SGPP1: variants seen among roughly 807,000 people sequenced by gnomAD.
SGPP1 encodes the protein sphingosine-1-phosphate phosphatase 1.
In SGPP1, 21 loss-of-function variants were observed where a neutral mutation model predicts 33.0. The observed-to-expected ratio is 0.64, with a 90% CI of 0.45 to 0.92. The LOEUF (loss-of-function observed/expected upper bound fraction) is 0.92. SGPP1 is among the 40% of genes least tolerant of loss of function. The pLI, the probability that SGPP1 is intolerant of heterozygous loss-of-function variation, is 0.00. For missense variants in SGPP1, 543 were observed against 589.4 expected, an observed-to-expected ratio of 0.92 and a Z score of 0.81; for synonymous variants, 239 against 241.2, an observed-to-expected ratio of 0.99 and a Z score of 0.08.
rs949371207 is a variant in SGPP1, at chr14:63,712,702, C to T, written c.685-14044G>A. Among the ~76,000 whole-genome samples, 91 of 151,966 alleles carry T rather than the reference C, an allele frequency of 6.0e-4. 1 individual carries two copies. The highest frequency in any genetic ancestry group is 4.5e-3 in the Admixed American group (69 of 15,270). ...TGTTTTTTTGAGGGAGGGTCTTGCT[C>T]TGTTGCCCAGGCTGGAGTACAATGG... On this transcript the variant is annotated intron_variant, in intron 1 of 2. Transcript: ENST00000247225.
intron 2 of SGPP1, among the ~76,000 whole-genome samples, chr14:63,694,238 C>T (rs1885144068): frequency 6.6e-6 from 1 of 151,116 alleles, no homozygotes; most frequent in South Asian, 2.1e-4. Flanking sequence ...TACGCCACTG[C>T]ACTCCAGCCT....
chr14:63,695,872 T>C (rs1489744363), intron 2 of SGPP1, among the ~76,000 whole-genome samples: 1 of 152,202 alleles, frequency 6.6e-6, no homozygotes, highest in Non-Finnish European at 1.5e-5. Context: ...GTTTGCACCA[T>C]CACACTCCAG....
Position 63,686,434 on chromosome 14 carries a change from A to T in SGPP1, c.997T>A (p.Ser333Thr), listed in dbSNP as rs774125790. 1.2e-6 allele frequency: 2 copies of T among 1,614,018 alleles called. No homozygotes were observed. The highest frequency in any genetic ancestry group is 1.1e-5 in the South Asian group (1 of 91,086). The change falls in exon 3 of 3, where the codon TCT (serine) becomes ACT (threonine). Residue 333 changes from serine to threonine, a missense_variant. By Grantham distance (58) the Ser-to-Thr change is moderately conservative. Coordinates refer to ENST00000247225, the MANE Select transcript of SGPP1 (RefSeq NM_030791.4). Reference protein sequence around the residue: ...LGSGAGIACGSHVTYNMGLVL... With the variant: ...LGSGAGIACGTHVTYNMGLVL... ...AGACCCATGTTATAAGTAACATGAG[A>T]TCCACATGCAATTCCAGCACCACTT...
intron 1 of SGPP1, among the ~76,000 whole-genome samples, chr14:63,705,340 T>G (rs1885387015): frequency 6.7e-6 from 1 of 149,942 alleles, no homozygotes; most frequent in Non-Finnish European, 1.5e-5. Flanking sequence ...TAGACATTTC[T>G]CCAAAGAAGA....
At chr14:63,714,748 T>A (rs13379282) in intron 1 of SGPP1, among the ~76,000 whole-genome samples, 6,722 of 151,356 alleles carry the variant, frequency 0.044, 428 homozygotes, top group African/African-American at 0.14. Context: ...TTATTTATTT[T>A]TTTTTTTTTG....
At chr14:63,719,692 T>C (rs1566537118) in intron 1 of SGPP1, among the ~76,000 whole-genome samples, 1 of 151,634 alleles carries the variant, frequency 6.6e-6, no homozygotes, top group African/African-American at 2.4e-5. Context: ...AAAAATTAGA[T>C]AGCATTTTCT....
At position 63,714,290 on chromosome 14, in the gene SGPP1, T is replaced by C. The variant is rs542177592; in HGVS notation, c.684+12971A>G. 1.7e-3 allele frequency among the ~76,000 whole-genome samples: 252 copies of C among 152,384 alleles called. 4 individuals are homozygous for C. Among genetic ancestry groups the C allele is most frequent in the South Asian group, 9.3e-3 (45 of 4,834 alleles). On this transcript the variant is annotated intron_variant, in intron 1 of 2. Coordinates refer to ENST00000247225, the MANE Select transcript of SGPP1 (RefSeq NM_030791.4). Reference sequence around the variant, plus strand: ...GGTAGCTGGCCCATGTGGTTTTTGATGGATCTCATCAAAAGGCTCAGATTG... The same window carrying C: ...GGTAGCTGGCCCATGTGGTTTTTGACGGATCTCATCAAAAGGCTCAGATTG...
Position 63,727,177 on chromosome 14 carries a change from C to G in SGPP1, c.684+84G>C, listed in dbSNP as rs549198245. 1.4e-5 allele frequency: 20 copies of G among 1,476,646 alleles called. No individual in the cohort carries two copies. The South Asian group carries it at 2.7e-4, about 20-fold the overall frequency. 91.5% of individuals were successfully genotyped at this position (1,476,646 alleles called of 1,614,324 possible). On this transcript the variant is annotated intron_variant, in intron 1 of 2. Coordinates refer to ENST00000247225, the MANE Select transcript of SGPP1 (RefSeq NM_030791.4). ...AAGAGAGGCTTTGGAGGGGAACGGT[C>G]GAATTAAAATAAATGCAGAGAGCAA...
intron 1 of SGPP1, among the ~76,000 whole-genome samples, chr14:63,714,039 T>C (rs1304155193): frequency 6.6e-6 from 1 of 152,236 alleles, no homozygotes; most frequent in East Asian, 1.9e-4. Context: ...TTCTGCTGCC[T>C]TGGATGTTAG....
Position 63,684,229 on chromosome 14 carries a change from T to A in SGPP1, c.*1876A>T, listed in dbSNP as rs1451007090. ...AGCAAAACCTTCTTTAATCTTCAAT[T>A]TGGCTTTTATTTTAAAATACATTTA... On this transcript the variant is annotated 3_prime_UTR_variant, in exon 3 of 3. Coordinates refer to ENST00000247225, the MANE Select transcript of SGPP1 (RefSeq NM_030791.4). 2 of 152,120 alleles carry A rather than the reference T, an allele frequency of 1.3e-5. No homozygotes were observed. Among genetic ancestry groups the A allele is most frequent in the Admixed American group, 1.3e-4 (2 of 15,270 alleles). The allele number at this position is 152,120 out of a possible 1,614,324, so 9.4% of individuals were successfully genotyped here.
chr14:63,720,335 AAAG>A (rs1885744548), intron 1 of SGPP1, among the ~76,000 whole-genome samples: 1 of 152,054 alleles, frequency 6.6e-6, no homozygotes, highest in African/African-American at 2.4e-5. Context: ...AGAAAAAGGA[AAAG>A]AAGGATGGAT....
intron 1 of SGPP1, among the ~76,000 whole-genome samples, chr14:63,722,482 T>C (rs969587335): frequency 6.6e-6 from 1 of 150,614 alleles, no homozygotes; most frequent in Non-Finnish European, 1.5e-5. Context: ...AGTGAGCCAA[T>C]ATCGCACCAC....
At position 63,722,145 on chromosome 14, in the gene SGPP1, G is replaced by A. The variant is rs148958545; in HGVS notation, c.684+5116C>T. Among the ~76,000 whole-genome samples, 844 of 152,180 alleles carry A rather than the reference G, an allele frequency of 5.5e-3. 9 individuals are homozygous for A. The highest frequency in any genetic ancestry group is 0.019 in the African/African-American group (797 of 41,520). On this transcript the variant is annotated intron_variant, in intron 1 of 2. Transcript: ENST00000247225. ...TTTCCTCATCTGTAAACCCATGCTA[G>A]TAATAGGAACATTGGGGTATTATAG...
intron 2 of SGPP1, among the ~76,000 whole-genome samples, chr14:63,697,178 T>C (rs947382244): frequency 6.6e-6 from 1 of 151,884 alleles, no homozygotes; most frequent in Non-Finnish European, 1.5e-5. Context: ...GAATCTAAAA[T>C]TAAAATTTAA....
At chr14:63,689,719 C>T (rs929390892) in intron 2 of SGPP1, among the ~76,000 whole-genome samples, 7 of 151,938 alleles carry the variant, frequency 4.6e-5, no homozygotes, top group Admixed American at 6.6e-5. Context: ...TCGCTTAGAA[C>T]CCCGGAGGTG....
At chr14:63,694,485 AAAAAC>A (rs1176351807) in intron 2 of SGPP1, among the ~76,000 whole-genome samples, 3 of 152,146 alleles carry the variant, frequency 2.0e-5, no homozygotes, top group Non-Finnish European at 2.9e-5. Flanking sequence ...ACCAGGAAAA[AAAAAC>A]AAAACAAAAC....
chr14:63,725,034 T>C (rs919799537), intron 1 of SGPP1, among the ~76,000 whole-genome samples: 2 of 151,800 alleles, frequency 1.3e-5, no homozygotes, highest in African/African-American at 4.8e-5. Context: ...TTGTTTTTTG[T>C]ACTGGATTAT....
intron 2 of SGPP1, among the ~76,000 whole-genome samples, chr14:63,691,199 C>T (rs1421315721): frequency 2.6e-5 from 4 of 152,084 alleles, no homozygotes; most frequent in Admixed American, 6.6e-5. Flanking sequence ...AAAATGTTTA[C>T]GCTCGATCTT....
chr14:63,690,342 T>G (rs1396366191), intron 2 of SGPP1, among the ~76,000 whole-genome samples: 1 of 152,212 alleles, frequency 6.6e-6, no homozygotes, highest in Non-Finnish European at 1.5e-5. Context: ...TGTGACCGGC[T>G]GGGCTATTTC....
Sources: allele counts gnomAD v4.1 joint callset (sites outside exome capture counted in the v4.1 genomes callset), GRCh38; gene constraint gnomAD v4.1.1; transcripts MANE v1.5; gene names NCBI Gene and HGNC (gene_info 2026-07-23, HGNC 2026-07-21).